LRP6: variants seen among roughly 807,000 people sequenced by gnomAD.
LRP6 encodes the protein low-density lipoprotein receptor-related protein 6.
In LRP6, 43 loss-of-function variants were observed where a neutral mutation model predicts 184.1. The ratio of observed to expected loss-of-function variants is 0.23; its 90% CI spans 0.18 to 0.30. The LOEUF (loss-of-function observed/expected upper bound fraction) is 0.30. Ranked by LOEUF, LRP6 falls within the 10% of genes least tolerant of loss-of-function variation. The pLI, the probability that LRP6 is intolerant of heterozygous loss-of-function variation, is 1.00. For synonymous variants in LRP6, 719 were observed against 684.9 expected, an observed-to-expected ratio of 1.05 and a Z score of -0.78; for missense variants, 1,571 against 2,005.3, an observed-to-expected ratio of 0.78 and a Z score of 4.14.
At chr12:12,202,405 T>C (rs924970886) in intron 3 of LRP6, among the ~76,000 whole-genome samples, 1 of 152,142 alleles carries the variant, frequency 6.6e-6, no homozygotes, top group Non-Finnish European at 1.5e-5. Context: ...TAGCCCGGTG[T>C]GATGGCGTGT....
At chr12:12,156,331 C>T (rs561314525) in intron 12 of LRP6, among the ~76,000 whole-genome samples, 2 of 152,228 alleles carry the variant, frequency 1.3e-5, no homozygotes, top group East Asian at 1.9e-4. Context: ...CGGGAGTACC[C>T]GGCCTAGCTG....
intron 2 of LRP6, among the ~76,000 whole-genome samples, chr12:12,228,849 C>G (rs1220290284): frequency 6.6e-6 from 1 of 152,090 alleles, no homozygotes; most frequent in Non-Finnish European, 1.5e-5. Flanking sequence ...GTTTAGGGAC[C>G]ACTGCTCTAG....
At position 12,266,912 on chromosome 12, in the gene LRP6, T is replaced by G; in HGVS notation, c.-177A>C. Reference sequence around the variant, plus strand: ...CCGCGCGCGCCGCCGCCGCCCTCTCTACCGCGCCGCTCGGCCCCGGGCTCG... The same window carrying G: ...CCGCGCGCGCCGCCGCCGCCCTCTCGACCGCGCCGCTCGGCCCCGGGCTCG... On this transcript the variant is annotated 5_prime_UTR_variant, in exon 1 of 23. The change abolishes the stop of an existing upstream ORF in the 5' untranslated region. Coordinates refer to ENST00000261349, the MANE Select transcript of LRP6 (RefSeq NM_002336.3). 3.1e-6 allele frequency: 2 copies of G among 635,078 alleles called. No homozygotes were observed. Among genetic ancestry groups the G allele is most frequent in the Non-Finnish European group, 5.6e-6 (2 of 355,486 alleles). 39.3% of individuals were successfully genotyped at this position (635,078 alleles called of 1,614,324 possible).
At chr12:12,151,072 A>G (rs989601887) in intron 12 of LRP6, 34 bp from the exon 13 acceptor site, 3 of 1,522,184 alleles carry the variant, frequency 2.0e-6, no homozygotes, top group Non-Finnish European at 2.7e-6. Context: ...TCTGAAATCT[A>G]GTTACCCTAC....
In LRP6 at chr12:12,132,075, G is replaced by A. The variant is rs1462800896; in HGVS notation, c.3734-18C>T. ...TGGAGGTTCTTCAAATGAACAAGGAGAAGGGGAGTGACAAAAACACAATCA... is the reference window on the plus strand; with the variant it reads ...TGGAGGTTCTTCAAATGAACAAGGAAAAGGGGAGTGACAAAAACACAATCA... On this transcript the variant is annotated intron_variant, in intron 17 of 22. Transcript: ENST00000261349. 6.5e-7 allele frequency: 1 copy of A among 1,541,490 alleles called. No homozygotes were observed. The highest frequency in any genetic ancestry group is 1.7e-5 in the Admixed American group (1 of 59,936).
intron 7 of LRP6, among the ~76,000 whole-genome samples, chr12:12,176,738 A>T (rs1863193413): frequency 6.6e-6 from 1 of 152,084 alleles, no homozygotes; most frequent in African/African-American, 2.4e-5. Flanking sequence ...CACTCAAGAC[A>T]CATAGGTTTA....
In LRP6 at chr12:12,117,266, G is replaced by A. The variant is rs559990161; in HGVS notation, c.*3860C>T. On this transcript the variant is annotated 3_prime_UTR_variant, in exon 23 of 23. Coordinates refer to ENST00000261349, the MANE Select transcript of LRP6 (RefSeq NM_002336.3). ...TGACTATAAGCTTCTTTAGGACTCA[G>A]TCCACACTTAGTGCATAGTCTCATC... 1 of 152,294 alleles carries A rather than the reference G, an allele frequency of 6.6e-6. No homozygotes were observed. Among genetic ancestry groups the A allele is most frequent in the African/African-American group, 2.4e-5 (1 of 41,566 alleles). 9.4% of individuals were successfully genotyped at this position (152,294 alleles called of 1,614,324 possible).
chr12:12,164,961 G>T lies in LRP6; in HGVS notation c.1762+118C>A, dbSNP rs370824149. On this transcript the variant is annotated intron_variant, in intron 8 of 22. Coordinates refer to ENST00000261349, the MANE Select transcript of LRP6 (RefSeq NM_002336.3). ...AAAAAAAAAAAAAAAAAAAAGGCGG[G>T]GGGGCAGTAAAGAAGGTTTCAAAAT... The T allele has an allele frequency of 4.8e-3, 2,465 of 511,456 alleles. 9 individuals carry two copies. Among genetic ancestry groups the T allele is most frequent in the Non-Finnish European group, 5.8e-3 (1,667 of 287,722 alleles). The allele number at this position is 511,456 out of a possible 1,614,324, so 31.7% of individuals were successfully genotyped here.
chr12:12,211,462 G>A (rs1864209030), intron 2 of LRP6, among the ~76,000 whole-genome samples: 2 of 152,138 alleles, frequency 1.3e-5, no homozygotes, highest in African/African-American at 2.4e-5. Flanking sequence ...AGTCTGGAAT[G>A]GAATTAGATA....
At chr12:12,234,892 T>C (rs1228421215) in intron 2 of LRP6, among the ~76,000 whole-genome samples, 1 of 150,300 alleles carries the variant, frequency 6.7e-6, no homozygotes, top group Non-Finnish European at 1.5e-5. Context: ...AAAAAAAGAA[T>C]ATACACACGT....
At chr12:12,203,807 A>G (rs560196985) in intron 2 of LRP6, among the ~76,000 whole-genome samples, 30 of 152,256 alleles carry the variant, frequency 2.0e-4, no homozygotes, top group Middle Eastern at 3.4e-3. Context: ...AAAACACCTC[A>G]TTTTAGGGAC....
chr12:12,131,829 T>G lies in LRP6; in HGVS notation c.3962A>C (p.Asn1321Thr). ...ANCQDKSDEK[N>T]CEVLCLIDQF... Reference sequence around the variant, plus strand: ...TGAAGAATTCTGGATACCTTCACAGTTCTTCTCATCTGATTTGTCCTGGCA... The same window carrying G: ...TGAAGAATTCTGGATACCTTCACAGGTCTTCTCATCTGATTTGTCCTGGCA... The change falls in exon 18 of 23, where the codon AAC (asparagine) becomes ACC (threonine). Residue 1321 changes from asparagine to threonine, a missense_variant. Physicochemically the swap from Asn to Thr is moderately conservative, Grantham distance 65. Coordinates refer to ENST00000261349, the MANE Select transcript of LRP6 (RefSeq NM_002336.3). The G allele has an allele frequency of 6.2e-7, 1 of 1,613,990 alleles. No individual in the cohort carries two copies. Among genetic ancestry groups the G allele is most frequent in the Non-Finnish European group, 8.5e-7 (1 of 1,179,862 alleles).
chr12:12,139,158 C>A (rs897016986), intron 15 of LRP6, among the ~76,000 whole-genome samples: 1 of 152,160 alleles, frequency 6.6e-6, no homozygotes, highest in Non-Finnish European at 1.5e-5. Context: ...TATACTCATT[C>A]CTTCTTTTTC....
chr12:12,260,656 T>C (rs1865591974), intron 1 of LRP6, among the ~76,000 whole-genome samples: 8 of 152,156 alleles, frequency 5.3e-5, no homozygotes, highest in Admixed American at 3.9e-4. Context: ...TACTATTGAC[T>C]GTGCGTTCTA....
chr12:12,262,252 G>A (rs1033535047), intron 1 of LRP6, among the ~76,000 whole-genome samples: 10 of 152,194 alleles, frequency 6.6e-5, no homozygotes, highest in African/African-American at 2.4e-4. Flanking sequence ...GGTGGTGTGA[G>A]CCTGTGGTCC....
At chr12:12,249,945 G>C (rs774642990) in intron 1 of LRP6, among the ~76,000 whole-genome samples, 2 of 152,050 alleles carry the variant, frequency 1.3e-5, no homozygotes, top group South Asian at 2.1e-4. Context: ...AGCCATCTTT[G>C]AGCCCCTCCC....
chr12:12,216,999 A>G (rs1455581487), intron 2 of LRP6, among the ~76,000 whole-genome samples: 1 of 152,150 alleles, frequency 6.6e-6, no homozygotes, highest in East Asian at 1.9e-4. Context: ...TATTGCTACC[A>G]GACTGCCTTT....
At chr12:12,228,913 G>T (rs2135886730) in intron 2 of LRP6, among the ~76,000 whole-genome samples, 1 of 152,312 alleles carries the variant, frequency 6.6e-6, no homozygotes, top group South Asian at 2.1e-4. Flanking sequence ...GGCATTCATT[G>T]CATTCAAGGA....
At chr12:12,249,487 A>T in intron 1 of LRP6, 1 of 649,236 alleles carries the variant, frequency 1.5e-6, no homozygotes, top group Non-Finnish European at 2.7e-6. Context: ...GAAAAACCAC[A>T]GGCCCTTCCT....
Sources: gnomAD v4.1 joint callset for allele counts (sites outside exome capture counted in the v4.1 genomes callset) on GRCh38, gnomAD v4.1.1 for gene constraint, MANE v1.5 for transcripts, NCBI Gene and HGNC (gene_info 2026-07-23, HGNC 2026-07-21) for gene names.